Variants in CTRB1 observed in about 807,000 individuals in gnomAD.
CTRB1 encodes the protein chymotrypsinogen B1, also known as chymotrypsinogen B.
In CTRB1, 15 loss-of-function variants were observed where a neutral mutation model predicts 20.4. The ratio of observed to expected loss-of-function variants is 0.74; its 90% CI spans 0.49 to 1.13. The LOEUF is 1.13. CTRB1 is among the 50% of genes most tolerant of loss of function. CTRB1 has a pLI of 0.00. For missense variants in CTRB1, 227 were observed against 290.1 expected, an observed-to-expected ratio of 0.78 and a Z score of 1.58; for synonymous variants, 92 against 128.4, an observed-to-expected ratio of 0.72 and a Z score of 1.92.
chr16:75,224,715 G>A lies in CTRB1; in HGVS notation c.641G>A (p.Gly214Asp). The A allele has an allele frequency of 6.2e-7, 1 of 1,610,232 alleles. No homozygotes were observed. Among genetic ancestry groups the A allele is most frequent in the African/African-American group, 1.3e-5 (1 of 74,810 alleles). ...SGVSSCMGDSGGPLVCQKDGA... is the reference protein window; with the variant it reads ...SGVSSCMGDSDGPLVCQKDGA... Reference sequence around the variant, plus strand: ...CTCCCTCTCCCACAGGGCGACTCTGGCGGCCCCCTGGTCTGCCAAAAGGAT... The same window carrying A: ...CTCCCTCTCCCACAGGGCGACTCTGACGGCCCCCTGGTCTGCCAAAAGGAT... The change falls in exon 7 of 7, where the codon GGC becomes GAC. Residue 214 changes from glycine to aspartate, a missense_variant. Physicochemically the swap from Gly to Asp is moderately conservative, Grantham distance 94. This residue lies in a region of CTRB1 where 108 missense variants were observed against 76.9 expected (regional missense o/e 1.41). Coordinates refer to ENST00000361017, the MANE Select transcript of CTRB1 (RefSeq NM_001906.6).
rs754626214 is a variant in CTRB1, at chr16:75,224,918, G to C, written c.*52G>C. 1 of 1,602,664 alleles carries C rather than the reference G, an allele frequency of 6.2e-7. No homozygotes were observed. Among genetic ancestry groups the C allele is most frequent in the Non-Finnish European group, 8.5e-7 (1 of 1,175,738 alleles). ...CCCACAGAGCCTCAGTAAACCCATG[G>C]AACACACGTCGGCGCTGTCCGTCTT... On this transcript the variant is annotated 3_prime_UTR_variant, in exon 7 of 7. Coordinates refer to ENST00000361017, the MANE Select transcript of CTRB1 (RefSeq NM_001906.6).
At chr16:75,220,515 C>G (rs755830062) in intron 1 of CTRB1, among the ~76,000 whole-genome samples, 1 of 151,932 alleles carries the variant, frequency 6.6e-6, no homozygotes, top group African/African-American at 2.4e-5. Context: ...AGGCTGGTCT[C>G]GAAATCCTGT....
At chr16:75,223,691 C>CGTT (rs1555530832) in intron 5 of CTRB1, 63 bp downstream of exon 5, 4 of 358,970 alleles carry the variant, frequency 1.1e-5, no homozygotes, top group African/African-American at 1.3e-4. Context: ...CCCCCGTGAC[C>CGTT]GTTTGGCTCT....
At chr16:75,220,699 A>C (rs567911979) in intron 1 of CTRB1, among the ~76,000 whole-genome samples, 5 of 152,290 alleles carry the variant, frequency 3.3e-5, no homozygotes, top group African/African-American at 9.6e-5. Context: ...CAGCTCATTC[A>C]CCTGCATTTT....
At chr16:75,220,381 A>G (rs867086091) in intron 1 of CTRB1, among the ~76,000 whole-genome samples, 1 of 152,052 alleles carries the variant, frequency 6.6e-6, no homozygotes, top group Non-Finnish European at 1.5e-5. Flanking sequence ...ATGGGGTTTC[A>G]CCATATTGGT....
At chr16:75,221,485 A>G (rs2039083348) in intron 1 of CTRB1, among the ~76,000 whole-genome samples, 4 of 152,112 alleles carry the variant, frequency 2.6e-5, no homozygotes, top group South Asian at 4.2e-4. Flanking sequence ...TCAGCCTCCC[A>G]AGTAGCTGGG....
intron 1 of CTRB1, chr16:75,222,464 C>A (rs773384987): frequency 1.1e-5 from 5 of 468,348 alleles, no homozygotes; most frequent in East Asian, 3.6e-5. Context: ...AAAGTGTGTC[C>A]TCGAGGCTGA....
intron 1 of CTRB1, 27 bp from the exon 2 acceptor site, chr16:75,222,741 G>A: frequency 1.9e-6 from 3 of 1,548,062 alleles, no homozygotes; most frequent in Non-Finnish European, 2.6e-6. Flanking sequence ...TGGGGCCTCA[G>A]CCCTTATTCA....
Sources: allele counts gnomAD v4.1 joint callset (sites outside exome capture counted in the v4.1 genomes callset), GRCh38; gene constraint gnomAD v4.1.1; regional missense constraint gnomAD v4.1.1; transcripts MANE v1.5; gene names NCBI Gene and HGNC (gene_info 2026-07-23, HGNC 2026-07-21).